Variants in SPIN1 observed in about 807,000 individuals in gnomAD.
SPIN1 encodes the protein spindlin-1.
SPIN1 carries 3 observed loss-of-function variants against 26.0 expected under a neutral mutation model. That is an observed-to-expected ratio of 0.12 (90% CI 0.05 to 0.30). SPIN1 has a LOEUF of 0.30. SPIN1 is among the 10% of genes least tolerant of loss of function. The pLI, the probability that SPIN1 is intolerant of heterozygous loss-of-function variation, is 1.00. For synonymous variants in SPIN1, 101 were observed against 116.5 expected (o/e 0.87, Z 0.86); for missense variants, 126 against 333.4 (o/e 0.38, Z 4.84).
At chr9:88,390,649 A>C (rs1826899857) in intron 1 of SPIN1, among the ~76,000 whole-genome samples, 1 of 152,222 alleles carries the variant, frequency 6.6e-6, no homozygotes, top group Non-Finnish European at 1.5e-5. Context: ...CCATGAATGA[A>C]AAGAAATTGG....
chr9:88,405,997 TTGTGTGTCTG>T (rs747294930), intron 1 of SPIN1, among the ~76,000 whole-genome samples: 12,194 of 138,816 alleles, frequency 0.088, 584 homozygotes, highest in South Asian at 0.16. Flanking sequence ...CGTGCCTGGC[TTGTGTGTCTG>T]TGTGTGTGTG....
intron 1 of SPIN1, among the ~76,000 whole-genome samples, chr9:88,408,269 C>T (rs1170537553): frequency 1.4e-5 from 2 of 148,106 alleles, no homozygotes; most frequent in Admixed American, 1.4e-4. Context: ...TACCCCCTCC[C>T]CCCACCTTCT....
chr9:88,431,447 C>T (rs528424440), intron 2 of SPIN1, among the ~76,000 whole-genome samples: 11 of 150,478 alleles, frequency 7.3e-5, no homozygotes, highest in Middle Eastern at 3.6e-3. Context: ...TCCGCCACCA[C>T]GCCCGGCCAA....
At chr9:88,390,092 T>C (rs758779098) in intron 1 of SPIN1, among the ~76,000 whole-genome samples, 19 of 152,338 alleles carry the variant, frequency 1.2e-4, no homozygotes, top group Non-Finnish European at 2.5e-4. Context: ...ATAGTTTCTT[T>C]ATAATCTTTT....
chr9:88,410,086 G>GGT (rs1476973295), intron 1 of SPIN1, among the ~76,000 whole-genome samples: 2 of 151,026 alleles, frequency 1.3e-5, no homozygotes, highest in Admixed American at 6.6e-5. Context: ...ATAAATGTAG[G>GGT]GTGTCCCTCT....
At chr9:88,404,500 A>T (rs1408639420) in intron 1 of SPIN1, among the ~76,000 whole-genome samples, 1 of 152,194 alleles carries the variant, frequency 6.6e-6, no homozygotes, top group Non-Finnish European at 1.5e-5. Flanking sequence ...TATAGTACTT[A>T]GCTTAAAACA....
At chr9:88,417,020 TCTA>T (rs1202751293) in intron 1 of SPIN1, among the ~76,000 whole-genome samples, 1 of 152,254 alleles carries the variant, frequency 6.6e-6, no homozygotes, top group East Asian at 1.9e-4. Context: ...TACATTTTGC[TCTA>T]CTGTTTTTTA....
Position 88,445,352 on chromosome 9 carries a change from C to G in SPIN1, c.53-3589C>G, listed in dbSNP as rs551542650. Among the ~76,000 whole-genome samples the G allele has an allele frequency of 7.2e-5, 11 of 152,012 alleles. No individual in the cohort carries two copies. The East Asian group carries it at 2.1e-3, about 29-fold the overall frequency. The stretch of plus-strand genomic sequence containing the variant: ...GGCCATCACATACTTAATTCTTCAC[C>G]CATTAGCCATTATCAAGCCTCTGTC... On this transcript the variant is annotated intron_variant, in intron 2 of 5. Coordinates refer to ENST00000375859, the MANE Select transcript of SPIN1 (RefSeq NM_006717.3).
rs114216864 is a variant in SPIN1 at position 88,422,255 on chromosome 9, C to T, written c.-158-4127C>T. On this transcript the variant is annotated intron_variant, in intron 1 of 5. Coordinates refer to ENST00000375859, the MANE Select transcript of SPIN1 (RefSeq NM_006717.3). The stretch of plus-strand genomic sequence containing the variant: ...TAAAGCTCCATTTGACAATATTTTC[C>T]GTAACACTTGAAGGTTCTGCTAACC... 3.4e-3 allele frequency among the ~76,000 whole-genome samples: 525 copies of T among 152,224 alleles called. 1 individual carries two copies. Among genetic ancestry groups the T allele is most frequent in the African/African-American group, 0.012 (505 of 41,536 alleles).
At chr9:88,468,348 T>G in intron 4 of SPIN1, 24 bp from the exon 5 acceptor site, 1 of 651,758 alleles carries the variant, frequency 1.5e-6, no homozygotes, top group Non-Finnish European at 2.0e-6. Flanking sequence ...TTGTCAACTT[T>G]TTTTTTTTTT....
At chr9:88,462,812 TTTTA>T (rs1828597307) in intron 4 of SPIN1, 63 bp downstream of exon 4, 2 of 1,488,828 alleles carry the variant, frequency 1.3e-6, no homozygotes, top group Admixed American at 2.3e-5. Flanking sequence ...TGGATGCTTT[TTTTA>T]TTTTACATTA....
chr9:88,439,614 T>G (rs557927354), intron 2 of SPIN1, among the ~76,000 whole-genome samples: 1 of 152,328 alleles, frequency 6.6e-6, no homozygotes, highest in East Asian at 1.9e-4. Flanking sequence ...AATCTGTCTC[T>G]TCCTATAGTT....
chr9:88,475,034 T>C (rs1564048377), intron 5 of SPIN1, 44 bp from the exon 6 acceptor site: 1 of 1,401,502 alleles, frequency 7.1e-7, no homozygotes, highest in Admixed American at 3.0e-5. Flanking sequence ...ACTTAGAAAT[T>C]TTCTCTCTCT....
Position 88,395,355 on chromosome 9 carries a change from G to A in SPIN1, c.-159+6817G>A, listed in dbSNP as rs536332648. ...AGCGTTCTATGCACACTGCTCTGCC[G>A]TTCTATGCACACTGCTCCCTTTTAC... is the stretch of plus-strand genomic sequence containing the variant. On this transcript the variant is annotated intron_variant, in intron 1 of 5. Transcript: ENST00000375859. Among the ~76,000 whole-genome samples, 182 of 126,856 alleles carry A rather than the reference G, an allele frequency of 1.4e-3. 2 individuals are homozygous for A. The highest frequency in any genetic ancestry group is 6.1e-3 in the African/African-American group (175 of 28,586). 83.2% of individuals were successfully genotyped at this position (126,856 alleles called of 152,430 possible). A position where few individuals can be genotyped will look rare whatever the true frequency, so the allele number is the denominator to read the frequency against.
At chr9:88,458,091 T>C (rs1165736080) in intron 3 of SPIN1, 1 of 669,894 alleles carries the variant, frequency 1.5e-6, no homozygotes, top group African/African-American at 2.0e-5. Flanking sequence ...AAAGTTTAGG[T>C]ATAATATATG....
At chr9:88,409,760 C>T (rs562274786) in intron 1 of SPIN1, among the ~76,000 whole-genome samples, 1 of 152,008 alleles carries the variant, frequency 6.6e-6, no homozygotes, top group East Asian at 1.9e-4. Flanking sequence ...ATGGTGTGAA[C>T]CCAGGAGGCG....
At chr9:88,450,476 T>TA (rs1828333887) in intron 3 of SPIN1, among the ~76,000 whole-genome samples, 1 of 147,278 alleles carries the variant, frequency 6.8e-6, no homozygotes, top group South Asian at 2.1e-4. Context: ...GTTTGAGCTC[T>TA]TGGGCATGTT....
At chr9:88,407,135 TAAAAAA>T (rs397893590) in intron 1 of SPIN1, among the ~76,000 whole-genome samples, 1 of 122,754 alleles carries the variant, frequency 8.1e-6, no homozygotes, top group Admixed American at 8.3e-5. Flanking sequence ...GATCTTCCTT[TAAAAAA>T]AAAAAAAAAA....
At chr9:88,473,303 GA>G (rs770082084) in intron 5 of SPIN1, among the ~76,000 whole-genome samples, 1 of 152,096 alleles carries the variant, frequency 6.6e-6, no homozygotes. Context: ...TGAAGCAGAA[GA>G]ATCACTTGAA....
Sources: allele counts gnomAD v4.1 joint callset (sites outside exome capture counted in the v4.1 genomes callset), GRCh38; gene constraint gnomAD v4.1.1; transcripts MANE v1.5; gene names NCBI Gene and HGNC (gene_info 2026-07-23, HGNC 2026-07-21).